Variants in ATP9A observed in about 807,000 individuals in gnomAD.
ATP9A encodes the protein ATPase phospholipid transporting 9A.
In ATP9A, 52 loss-of-function variants were observed where a neutral mutation model predicts 144.1. The observed-to-expected ratio is 0.36, with a 90% confidence interval of 0.29 to 0.45. The LOEUF (loss-of-function observed/expected upper bound fraction) is 0.45. ATP9A is among the 20% of genes least tolerant of loss of function. The probability of loss-of-function intolerance (pLI) is 1.00; values close to 1 mark genes in which losing one functional copy is unlikely to be tolerated. For synonymous variants in ATP9A, 582 were observed against 557.4 expected, an observed-to-expected ratio of 1.04 and a Z score of -0.62; for missense variants, 947 against 1,392.7, an observed-to-expected ratio of 0.68 and a Z score of 5.09.
intron 6 of ATP9A, among the ~76,000 whole-genome samples, chr20:51,695,873 C>T (rs180983585): frequency 1.7e-4 from 26 of 152,280 alleles, no homozygotes; most frequent in Admixed American, 2.6e-4. Context: ...GTGAGTCAGC[C>T]GGTGTTCCAC....
intron 9 of ATP9A, among the ~76,000 whole-genome samples, chr20:51,684,060 C>G (rs1413344041): frequency 2.0e-5 from 3 of 152,044 alleles, no homozygotes; most frequent in Non-Finnish European, 4.4e-5. Context: ...TGAGGTGCGC[C>G]TATAGTCGCA....
At chr20:51,683,141 G>A (rs541725044) in intron 9 of ATP9A, among the ~76,000 whole-genome samples, 2 of 152,062 alleles carry the variant, frequency 1.3e-5, no homozygotes, top group African/African-American at 2.4e-5. Flanking sequence ...CCAAACTGGA[G>A]TACACTGGTG....
chr20:51,748,948 T>TAGATAGACAGACAGACAGACAGAC (rs765791447), intron 1 of ATP9A, among the ~76,000 whole-genome samples: 64 of 137,902 alleles, frequency 4.6e-4, no homozygotes, highest in African/African-American at 6.6e-4. Context: ...GATAGATAGA[T>TAGATAGACAGACAGACAGACAGAC]AGACAGACAG....
At position 51,715,290 on chromosome 20, in the gene ATP9A, T is replaced by C. The variant is rs146060603; in HGVS notation, c.328-2216A>G. 1.4e-4 allele frequency among the ~76,000 whole-genome samples: 22 copies of C among 152,304 alleles called. No individual in the cohort carries two copies. In the East Asian group the frequency reaches 4.1e-3, roughly 28 times the overall value. On this transcript the variant is annotated intron_variant, in intron 3 of 27. Transcript: ENST00000338821. ...GATTACTCCTGTTTCCAATCAGATG[T>C]AAAGTACACACTGCAGCCAAAAGAA...
At chr20:51,724,850 C>T (rs945116646) in intron 3 of ATP9A, among the ~76,000 whole-genome samples, 3 of 152,222 alleles carry the variant, frequency 2.0e-5, no homozygotes, top group African/African-American at 7.2e-5. Context: ...ACCCCTCACA[C>T]TCAAATACTC....
At chr20:51,764,131 A>G (rs903811033) in intron 1 of ATP9A, among the ~76,000 whole-genome samples, 2 of 152,240 alleles carry the variant, frequency 1.3e-5, no homozygotes, top group African/African-American at 2.4e-5. Context: ...ACTATGAGAT[A>G]CATAATTATT....
intron 9 of ATP9A, among the ~76,000 whole-genome samples, chr20:51,683,671 C>A (rs534788340): frequency 6.6e-6 from 1 of 152,128 alleles, no homozygotes; most frequent in South Asian, 2.1e-4. Flanking sequence ...CTGCCTTGGT[C>A]TCCCAAAGTG....
intron 1 of ATP9A, among the ~76,000 whole-genome samples, chr20:51,758,770 C>T (rs528987235): frequency 6.6e-6 from 1 of 152,194 alleles, no homozygotes; most frequent in South Asian, 2.1e-4. Flanking sequence ...ACTAAAAATA[C>T]AAAAATTAGC....
intron 3 of ATP9A, among the ~76,000 whole-genome samples, chr20:51,717,673 T>C (rs989498224): frequency 6.6e-6 from 1 of 152,072 alleles, no homozygotes; most frequent in African/African-American, 2.4e-5. Flanking sequence ...AAAGTCATAA[T>C]TGCCGAGTGT....
Position 51,712,884 on chromosome 20 carries a change from C to T in ATP9A, c.436+82G>A, listed in dbSNP as rs974441787. 1.7e-5 allele frequency: 22 copies of T among 1,274,618 alleles called. 1 individual carries two copies. Among genetic ancestry groups the T allele is most frequent in the South Asian group, 1.0e-4 (8 of 78,718 alleles). The allele number at this position is 1,274,618 out of a possible 1,614,324, so 79.0% of individuals were successfully genotyped here. On this transcript the variant is annotated intron_variant, in intron 4 of 27. Transcript: ENST00000338821. ...ACGTGGCATTCCCACACCTGCGGCC[C>T]GGGCCTTGAACTCTTCTCCCCTGAC...
At chr20:51,681,101 T>C (rs2077498002) in intron 9 of ATP9A, among the ~76,000 whole-genome samples, 2 of 152,236 alleles carry the variant, frequency 1.3e-5, no homozygotes, top group Admixed American at 1.3e-4. Context: ...TCCCAGGAGA[T>C]GACCTCTCCA....
intron 1 of ATP9A, among the ~76,000 whole-genome samples, chr20:51,747,147 T>C (rs1377184406): frequency 6.8e-6 from 1 of 146,996 alleles, no homozygotes; most frequent in African/African-American, 2.5e-5. Flanking sequence ...AAAACCTAAG[T>C]CAGGAAGGAT....
chr20:51,669,347 T>A (rs549598333), intron 13 of ATP9A, among the ~76,000 whole-genome samples: 36 of 152,338 alleles, frequency 2.4e-4, no homozygotes, highest in Non-Finnish European at 4.4e-4. Context: ...AGTAATACTT[T>A]CTCTGAAAAG....
At chr20:51,678,179 A>G (rs2077485136) in intron 9 of ATP9A, among the ~76,000 whole-genome samples, 2 of 152,020 alleles carry the variant, frequency 1.3e-5, no homozygotes, top group African/African-American at 4.8e-5. Flanking sequence ...TACTGTCTCC[A>G]TTCACATCAT....
At chr20:51,703,846 G>C (rs2077604186) in intron 4 of ATP9A, among the ~76,000 whole-genome samples, 1 of 152,032 alleles carries the variant, frequency 6.6e-6, no homozygotes, top group Non-Finnish European at 1.5e-5. Context: ...TGTTCATGCA[G>C]GGCACTGATT....
chr20:51,761,626 G>A (rs2077881043), intron 1 of ATP9A, among the ~76,000 whole-genome samples: 1 of 152,072 alleles, frequency 6.6e-6, no homozygotes. Context: ...CGAGCGTGGT[G>A]ACAGGCGCCT....
chr20:51,755,295 C>T (rs2077850988), intron 1 of ATP9A, among the ~76,000 whole-genome samples: 1 of 150,072 alleles, frequency 6.7e-6, no homozygotes, highest in South Asian at 2.1e-4. Context: ...AATTAGCTGG[C>T]GTGGTGCCAC....
chr20:51,650,624 A>G (rs1301448627), intron 14 of ATP9A, among the ~76,000 whole-genome samples: 1 of 152,202 alleles, frequency 6.6e-6, no homozygotes, highest in Non-Finnish European at 1.5e-5. Flanking sequence ...CTCTGCAAGT[A>G]TACTCAGATA....
In ATP9A at chr20:51,604,981, G is replaced by A. The variant is rs372834102; in HGVS notation, c.2843C>T (p.Ser948Leu). 3.0e-5 allele frequency: 48 copies of A among 1,612,506 alleles called. No individual in the cohort carries two copies. The highest frequency in any genetic ancestry group is 4.5e-5 in the East Asian group (2 of 44,684). Reference protein sequence around the residue: ...IMYGALLLFESEFVHIVAISF... With the variant: ...IMYGALLLFELEFVHIVAISF... Reference sequence around the variant, plus strand: ...GATGGCCACGATGTGCACGAACTCCGACTCAAACAGCAGCAGCGCCCCGTA... The same window carrying A: ...GATGGCCACGATGTGCACGAACTCCAACTCAAACAGCAGCAGCGCCCCGTA... Residue 948 changes from serine (S) to leucine (L), a missense_variant, in exon 27 of 28, where the codon TCG (serine) becomes TTG (leucine). By Grantham distance (145) the Ser-to-Leu change is moderately radical (BLOSUM62 -2). Coordinates refer to ENST00000338821, the MANE Select transcript of ATP9A (RefSeq NM_006045.3).
Sources: gnomAD v4.1 joint callset for allele counts (sites outside exome capture counted in the v4.1 genomes callset) on GRCh38, gnomAD v4.1.1 for gene constraint, MANE v1.5 for transcripts, NCBI Gene and HGNC (gene_info 2026-07-23, HGNC 2026-07-21) for gene names.